DACH1: variants seen among roughly 807,000 people sequenced by gnomAD.
DACH1 encodes the protein dachshund homolog 1.
In DACH1, 12 loss-of-function variants were observed where a neutral mutation model predicts 54.2. The ratio of observed to expected loss-of-function variants is 0.22; its 90% confidence interval spans 0.14 to 0.36. The LOEUF (loss-of-function observed/expected upper bound fraction) is 0.36. Ranked by LOEUF, DACH1 falls within the 10% of genes least tolerant of loss-of-function variation. The pLI is 1.00. For synonymous variants in DACH1, 386 were observed against 366.2 expected, an observed-to-expected ratio of 1.05 and a Z score of -0.62; for missense variants, 805 against 929.8, an observed-to-expected ratio of 0.87 and a Z score of 1.75.
chr13:71,509,928 C>T (rs1371460537), intron 6 of DACH1, among the ~76,000 whole-genome samples: 1 of 152,084 alleles, frequency 6.6e-6, no homozygotes, highest in Admixed American at 6.6e-5. Context: ...ATCTTGAGCT[C>T]ATTCTAGTCA....
At chr13:71,760,839 T>C (rs1382838651) in intron 1 of DACH1, among the ~76,000 whole-genome samples, 1 of 152,226 alleles carries the variant, frequency 6.6e-6, no homozygotes, top group African/African-American at 2.4e-5. Context: ...TCATCTTCAC[T>C]ACCCATCATC....
At chr13:71,709,538 T>C (rs914173944) in intron 1 of DACH1, among the ~76,000 whole-genome samples, 1 of 152,140 alleles carries the variant, frequency 6.6e-6, no homozygotes, top group African/African-American at 2.4e-5. Context: ...GGTTACCAGA[T>C]GAACTGTGGC....
rs144131095 is a variant in DACH1, at chr13:71,440,837, AAAGTT to A, written c.2084-150_2084-146del. 2,672 of 613,382 alleles carry A rather than the reference AAAGTT, an allele frequency of 4.4e-3. 49 individuals are homozygous for A. The highest frequency in any genetic ancestry group is 0.043 in the African/African-American group (2,223 of 51,442). 38.0% of individuals were successfully genotyped at this position (613,382 alleles called of 1,614,324 possible). A position where few individuals can be genotyped will look rare whatever the true frequency, so the allele number is the denominator to read the frequency against. On this transcript the variant is annotated intron_variant, in intron 10 of 10. Transcript: ENST00000613252. ...GAAGTAACATTTTTCATATCTTCTC[AAAGTT>A]AAGTTAATTTCATAATTACACTGAG... is the stretch of plus-strand genomic sequence containing the variant.
At chr13:71,605,936 T>C (rs1198096809) in intron 3 of DACH1, among the ~76,000 whole-genome samples, 1 of 152,034 alleles carries the variant, frequency 6.6e-6, no homozygotes, top group Admixed American at 6.6e-5. Flanking sequence ...GATGACTTCA[T>C]TGTGTTTGGT....
At chr13:71,742,700 T>C (rs1471155047) in intron 1 of DACH1, among the ~76,000 whole-genome samples, 1 of 152,054 alleles carries the variant, frequency 6.6e-6, no homozygotes, top group Non-Finnish European at 1.5e-5. Flanking sequence ...TATTTCAACA[T>C]CATCTTCTTC....
At chr13:71,856,670 A>G (rs1393361784) in intron 1 of DACH1, among the ~76,000 whole-genome samples, 1 of 151,926 alleles carries the variant, frequency 6.6e-6, no homozygotes, top group African/African-American at 2.4e-5. Context: ...CTTCTAAGTC[A>G]TCACTGTTTT....
At chr13:71,651,898 T>C (rs1878714661) in intron 2 of DACH1, among the ~76,000 whole-genome samples, 2 of 152,180 alleles carry the variant, frequency 1.3e-5, no homozygotes, top group Admixed American at 6.5e-5. Flanking sequence ...ATATCTATAA[T>C]GTATGTTTGT....
chr13:71,544,161 T>C (rs956828583), intron 6 of DACH1, among the ~76,000 whole-genome samples: 1 of 152,078 alleles, frequency 6.6e-6, no homozygotes, highest in African/African-American at 2.4e-5. Context: ...AAACAAGCCA[T>C]AGGTGTAGAA....
chr13:71,485,673 C>T (rs1207669126), intron 7 of DACH1, among the ~76,000 whole-genome samples: 1 of 149,024 alleles, frequency 6.7e-6, no homozygotes, highest in Non-Finnish European at 1.5e-5. Flanking sequence ...ACCTCTGCCT[C>T]CCGGGTTCAA....
At chr13:71,715,550 C>T (rs1882928608) in intron 1 of DACH1, among the ~76,000 whole-genome samples, 1 of 151,990 alleles carries the variant, frequency 6.6e-6, no homozygotes, top group Non-Finnish European at 1.5e-5. Context: ...ATTCTTCCTC[C>T]TGCCCTGCCT....
At chr13:71,627,611 T>G (rs1017612078) in intron 3 of DACH1, among the ~76,000 whole-genome samples, 1 of 152,054 alleles carries the variant, frequency 6.6e-6, no homozygotes, top group African/African-American at 2.4e-5. Flanking sequence ...CAGCACCGCT[T>G]CCTAACCACT....
intron 2 of DACH1, among the ~76,000 whole-genome samples, chr13:71,646,167 T>C (rs1878249412): frequency 6.6e-6 from 1 of 151,796 alleles, no homozygotes; most frequent in Non-Finnish European, 1.5e-5. Flanking sequence ...AAAAGTCCCA[T>C]CTCTAGTAAA....
chr13:71,792,372 C>CA, intron 1 of DACH1, among the ~76,000 whole-genome samples: 1 of 144,448 alleles, frequency 6.9e-6, no homozygotes, highest in African/African-American at 2.7e-5. Context: ...ACACACACAC[C>CA]CCTGGAATCC....
chr13:71,673,846 C>T (rs1880371259), intron 2 of DACH1, among the ~76,000 whole-genome samples: 1 of 152,094 alleles, frequency 6.6e-6, no homozygotes, highest in Admixed American at 6.5e-5. Context: ...GATTTAAATT[C>T]CATCAATTGA....
At chr13:71,781,346 T>TTTTTTTTA (rs1886365263) in intron 1 of DACH1, among the ~76,000 whole-genome samples, 3 of 137,160 alleles carry the variant, frequency 2.2e-5, no homozygotes, top group African/African-American at 5.4e-5. Context: ...TCTTTTTTAT[T>TTTTTTTTA]TTTATTTATT....
At chr13:71,547,909 G>C (rs1883561678) in intron 6 of DACH1, among the ~76,000 whole-genome samples, 1 of 152,048 alleles carries the variant, frequency 6.6e-6, no homozygotes. Context: ...ACTGCTCCAA[G>C]CACAAGAAAC....
At chr13:71,765,066 A>AG (rs1342934142) in intron 1 of DACH1, among the ~76,000 whole-genome samples, 3 of 152,180 alleles carry the variant, frequency 2.0e-5, no homozygotes, top group Admixed American at 2.0e-4. Context: ...TGAGGTAAGC[A>AG]GGGGTCCCCA....
chr13:71,630,572 G>A lies in DACH1; in HGVS notation c.1110C>T (p.Asp370=). The A allele has an allele frequency of 1.3e-6, 2 of 1,590,240 alleles. No homozygotes were observed. The highest frequency in any genetic ancestry group is 1.7e-6 in the Non-Finnish European group (2 of 1,173,162). Residue 370 remains aspartate, a synonymous_variant, in exon 3 of 11, where the codon GAC becomes GAT. Transcript: ENST00000613252. ...NQHGADSENG[D]MNSSVGLELP... ...AAAACTTACCGACACTTGAATTCAT[G>A]TCCCCGTTTTCAGAGTCTGCTCCAT...
At position 71,718,574 on chromosome 13, in the gene DACH1, T is replaced by C. The variant is rs952203997; in HGVS notation, c.849-36664A>G. On this transcript the variant is annotated intron_variant, in intron 1 of 10. Coordinates refer to ENST00000613252, the MANE Select transcript of DACH1 (RefSeq NM_080759.6). ...CCGGATGACAGAGCAAGACCATATC[T>C]GAAAAAAAAAAAAAAAAATAGAAAT... 1.8e-3 allele frequency among the ~76,000 whole-genome samples: 34 copies of C among 19,306 alleles called. 1 individual carries two copies. Among genetic ancestry groups the C allele is most frequent in the African/African-American group, 7.8e-3 (33 of 4,242 alleles). 12.7% of individuals were successfully genotyped at this position (19,306 alleles called of 152,430 possible). A position where few individuals can be genotyped will look rare whatever the true frequency, so the allele number is the denominator to read the frequency against.
Sources: gnomAD v4.1 joint callset for allele counts (sites outside exome capture counted in the v4.1 genomes callset) on GRCh38, gnomAD v4.1.1 for gene constraint, MANE v1.5 for transcripts, NCBI Gene and HGNC (gene_info 2026-07-23, HGNC 2026-07-21) for gene names.